Variants in TTN observed in about 807,000 individuals in gnomAD.
TTN encodes titin.
A neutral mutation model predicts 3,223.0 loss-of-function variants in TTN; 1,525 were observed. The ratio of observed to expected loss-of-function variants is 0.47; its 90% confidence interval spans 0.45 to 0.49. The LOEUF (loss-of-function observed/expected upper bound fraction) is 0.49, where lower values mean the gene tolerates loss of function less well. Among genes scored for constraint, TTN ranks in the 20% least tolerant of loss-of-function variants. The pLI, the probability that TTN is intolerant of heterozygous loss-of-function variation, is 0.00. For missense variants in TTN, 40,786 were observed against 43,424.0 expected (o/e 0.94, Z 5.40); for synonymous variants, 14,094 against 15,161.0 (o/e 0.93, Z 5.17).
Position 178,750,222 on chromosome 2 carries a change from C to T in TTN, c.11311+2902G>A, listed in dbSNP as rs770870896. 91 of 1,613,184 alleles carry T rather than the reference C, an allele frequency of 5.6e-5. No individual in the cohort carries two copies. The highest frequency in any genetic ancestry group is 1.7e-4 in the Middle Eastern group (1 of 6,052). ...CCTTTTGCTTGGTCAAACACCAATG[C>T]TAACTCTTCTTCCTCATCCAAGTAG... On this transcript the variant is annotated intron_variant, in intron 47 of 362. Transcript: ENST00000589042.
In TTN at chr2:178,552,243, G is replaced by A. The variant is rs1699731876; in HGVS notation, c.90657C>T (p.Val30219=). Reference sequence around the variant, plus strand: ...GCTTTGATGGTGGGCCAAGGGTGATGACTGTAATGGGGACTGCAATTCTAC... The same window carrying A: ...GCTTTGATGGTGGGCCAAGGGTGATAACTGTAATGGGGACTGCAATTCTAC... ...AVCRIAVPIT[V]ITLGPPSKPK... Residue 30219 remains valine (V), a synonymous_variant, in exon 335 of 363, where the codon GTC becomes GTT. Coordinates refer to ENST00000589042, the MANE Select transcript of TTN (RefSeq NM_001267550.2). The A allele has an allele frequency of 6.2e-7, 1 of 1,613,410 alleles. No individual in the cohort carries two copies. Among genetic ancestry groups the A allele is most frequent in the Non-Finnish European group, 8.5e-7 (1 of 1,179,606 alleles).
In TTN at chr2:178,704,961, A is replaced by T. The variant is rs1252065252; in HGVS notation, c.29610T>A (p.Ile9870=). The T allele has an allele frequency of 6.2e-7, 1 of 1,612,266 alleles. No homozygotes were observed. The highest frequency in any genetic ancestry group is 1.1e-5 in the South Asian group (1 of 90,886). The stretch of plus-strand genomic sequence containing the variant: ...CCCTCTCTGACCTCTCTATTTCCTC[A>T]ATTTCCTGAGAAGAACAAAAATGAT... ...SQEEETHRLE[I]EEIERSERDE... Residue 9870 remains isoleucine (I), a synonymous_variant, in exon 104 of 363, where the codon ATT becomes ATA. Transcript: ENST00000589042.
intron 256 of TTN, 44 bp downstream of exon 256, chr2:178,616,685 A>G: frequency 6.2e-7 from 1 of 1,611,808 alleles, no homozygotes; most frequent in South Asian, 1.1e-5. Flanking sequence ...AATATTTGTT[A>G]ATACTGCCAA....
chr2:178,688,668 AT>A lies in TTN; in HGVS notation c.32197+8del, dbSNP rs766171557. On this transcript the variant is annotated splice_region_variant and intron_variant, in intron 126 of 362. Coordinates refer to ENST00000589042, the MANE Select transcript of TTN (RefSeq NM_001267550.2). ...AAACTCATTTATCCCCTGACTTCCGATTATATACCTTCGTGCCGCGTGACTT... is the reference window on the plus strand; with the variant it reads ...AAACTCATTTATCCCCTGACTTCCGATATATACCTTCGTGCCGCGTGACTT... The A allele has an allele frequency of 6.3e-7, 1 of 1,599,900 alleles. No individual in the cohort carries two copies. The highest frequency in any genetic ancestry group is 1.1e-5 in the South Asian group (1 of 90,782).
intron 153 of TTN, 46 bp from the exon 154 acceptor site, chr2:178,672,527 T>G: frequency 4.4e-6 from 7 of 1,603,406 alleles, no homozygotes; most frequent in Non-Finnish European, 6.0e-6. Flanking sequence ...AGAGCAAGCT[T>G]TCATAGACAA....
At position 178,636,376 on chromosome 2, in the gene TTN, T is replaced by C. The variant is rs192413917; in HGVS notation, c.41329+22A>G. 118 of 1,574,466 alleles carry C rather than the reference T, an allele frequency of 7.5e-5. 1 individual carries two copies. The African/African-American group carries it at 1.0e-3, about 13-fold the overall frequency. Reference sequence around the variant, plus strand: ...TTACATTAAAGTTTAATATAGATTATGTTCAGAAGACTAGAAATTACCTTC... The same window carrying C: ...TTACATTAAAGTTTAATATAGATTACGTTCAGAAGACTAGAAATTACCTTC... On this transcript the variant is annotated intron_variant, in intron 225 of 362. Transcript: ENST00000589042. This position sits in a 1 kb window ranked among gnomAD's most constrained non-coding sequence, Gnocchi z 4.3.
chr2:178,527,481 C>A lies in TTN; in HGVS notation c.107645G>T (p.Ser35882Ile). ...TGCTTTAAGCATTTTACTAGTTGAGCTTTCCAGTTGTGTCATATTAGATAT... is the reference window on the plus strand; with the variant it reads ...TGCTTTAAGCATTTTACTAGTTGAGATTTCCAGTTGTGTCATATTAGATAT... ...MGISNMTQLE[S>I]STSKMLKAGI... is the part of the protein sequence containing the mutation. The change falls in exon 362 of 363, where the codon AGC (serine) becomes ATC (isoleucine). Residue 35882 changes from serine to isoleucine, a missense_variant. By Grantham distance (142) the Ser-to-Ile change is moderately radical. Transcript: ENST00000589042. 6.2e-7 allele frequency: 1 copy of A among 1,613,930 alleles called. No individual in the cohort carries two copies. Among genetic ancestry groups the A allele is most frequent in the African/African-American group, 1.3e-5 (1 of 75,062 alleles).
chr2:178,678,925 A>C lies in TTN; in HGVS notation c.33743-95T>G, dbSNP rs1012939892. The stretch of plus-strand genomic sequence containing the variant: ...TAAGGCCTTAACTGAAGCAGCATAG[A>C]TATTCTATCAATTTCACTTTAAGAC... On this transcript the variant is annotated intron_variant, in intron 142 of 362. Coordinates refer to ENST00000589042, the MANE Select transcript of TTN (RefSeq NM_001267550.2). 2.8e-5 allele frequency: 27 copies of C among 966,860 alleles called. No individual in the cohort carries two copies. The African/African-American group carries it at 3.8e-4, about 14-fold the overall frequency. The allele number at this position is 966,860 out of a possible 1,614,324, so 59.9% of individuals were successfully genotyped here.
In TTN at chr2:178,562,443, C is replaced by T; in HGVS notation, c.83689G>A (p.Gly27897Ser). ...TTAGTCTGCATTTCAACCACATAACCAGTAATTTTGCTGCCACCATCACTT... is the reference window on the plus strand; with the variant it reads ...TTAGTCTGCATTTCAACCACATAACTAGTAATTTTGCTGCCACCATCACTT... ...PESDGGSKIT[G>S]YVVEMQTKGS... Residue 27897 changes from glycine (G) to serine (S), a missense_variant, in exon 326 of 363, where the codon GGT (glycine) becomes AGT (serine). Gly to Ser is a moderately conservative substitution (Grantham distance 56, BLOSUM62 0). Transcript: ENST00000589042. 1 of 1,613,312 alleles carries T rather than the reference C, an allele frequency of 6.2e-7. No homozygotes were observed. Among genetic ancestry groups the T allele is most frequent in the Non-Finnish European group, 8.5e-7 (1 of 1,179,606 alleles).
At chr2:178,765,656 C>T (rs189946349) in intron 41 of TTN, among the ~76,000 whole-genome samples, 1 of 152,218 alleles carries the variant, frequency 6.6e-6, no homozygotes, top group African/African-American at 2.4e-5. Context: ...CTGCATCTGC[C>T]TCAGGGGTAT....
At chr2:178,682,563 T>G in intron 135 of TTN, 134 bp downstream of exon 135, 1 of 850,456 alleles carries the variant, frequency 1.2e-6, no homozygotes, top group Admixed American at 3.2e-5. Context: ...ATTCCGCATT[T>G]GCGAAATGAA....
rs727504977 is a variant in TTN at position 178,531,551 on chromosome 2, C to T, written c.105064G>A (p.Glu35022Lys). 5.6e-6 allele frequency: 9 copies of T among 1,613,838 alleles called. No individual in the cohort carries two copies. Among genetic ancestry groups the T allele is most frequent in the East Asian group, 2.2e-5 (1 of 44,894 alleles). ...TCCAACGTTGCATAGTCAGAAGCTT[C>T]GCCCTTGTAGTTGGTGCACACAGCA... ...YRAVCTNYKG[E>K]ASDYATLDVT... is the part of the protein sequence containing the mutation. Residue 35022 changes from glutamate to lysine, a missense_variant, in exon 358 of 363, where the codon GAA becomes AAA. Coordinates refer to ENST00000589042, the MANE Select transcript of TTN (RefSeq NM_001267550.2).
intron 71 of TTN, chr2:178,724,818 C>T: frequency 3.5e-6 from 1 of 283,622 alleles, no homozygotes; most frequent in Non-Finnish European, 6.5e-6. Flanking sequence ...TATGTTCGTG[C>T]ATGACTCAAC....
chr2:178,769,641 A>G, intron 37 of TTN, 38 bp downstream of exon 37: 2 of 1,299,092 alleles, frequency 1.5e-6, no homozygotes, highest in African/African-American at 3.0e-5. Context: ...GATATTTTAT[A>G]TATATGTGTA....
intron 265 of TTN, 65 bp from the exon 266 acceptor site, chr2:178,612,641 TGCAG>T: frequency 6.5e-7 from 1 of 1,550,140 alleles, no homozygotes; most frequent in Non-Finnish European, 8.7e-7. Flanking sequence ...AGTCTGAAAG[TGCAG>T]GCAGTCATTA....
chr2:178,652,804 T>C (rs1560114293), intron 200 of TTN, 44 bp downstream of exon 200: 6 of 1,606,516 alleles, frequency 3.7e-6, no homozygotes, highest in Non-Finnish European at 4.2e-6. Flanking sequence ...TTTTCAAGAA[T>C]AGAGGAGTTT....
rs143767300 is a variant in TTN, at chr2:178,769,877, C to G, written c.8704G>C (p.Glu2902Gln). 2 of 1,613,962 alleles carry G rather than the reference C, an allele frequency of 1.2e-6. No homozygotes were observed. Among genetic ancestry groups the G allele is most frequent in the African/African-American group, 2.7e-5 (2 of 74,898 alleles). Reference sequence around the variant, plus strand: ...ACATTGAAGTGGGACACCTCACACTCAAAAGAGGCAGTTTTGGTCTCAGGC... The same window carrying G: ...ACATTGAAGTGGGACACCTCACACTGAAAAGAGGCAGTTTTGGTCTCAGGC... ...EVPETKTASF[E>Q]CEVSHFNVPS... Residue 2902 changes from glutamate (E) to glutamine (Q), a missense_variant, in exon 37 of 363, where the codon GAG becomes CAG. Physicochemically the swap from Glu to Gln is conservative, Grantham distance 29. Transcript: ENST00000589042.
chr2:178,563,312 A>G lies in TTN; in HGVS notation c.82820T>C (p.Val27607Ala), dbSNP rs752494467. 1.9e-6 allele frequency: 3 copies of G among 1,613,634 alleles called. No homozygotes were observed. Among genetic ancestry groups the G allele is most frequent in the Non-Finnish European group, 2.5e-6 (3 of 1,179,710 alleles). The change falls in exon 326 of 363, where the codon GTA (valine) becomes GCA (alanine). Residue 27607 changes from valine to alanine, a missense_variant. Val to Ala is a moderately conservative substitution (Grantham distance 64). Coordinates refer to ENST00000589042, the MANE Select transcript of TTN (RefSeq NM_001267550.2). This position sits in a 1 kb window ranked among gnomAD's most constrained non-coding sequence, Gnocchi z 4.5. ...ATCCGCAGCAGCTTCTTTGACCTCT[A>G]CAACATAGCCTTTAACAGGTGCGCC... Reference protein sequence around the residue: ...DGGAPVKGYVVEVKEAAADEW... With the variant: ...DGGAPVKGYVAEVKEAAADEW...
Position 178,776,999 on chromosome 2 carries a change from C to T in TTN, c.4865G>A (p.Ser1622Asn). Reference sequence around the variant, plus strand: ...CGCAGTATACCAGGCAGAATCTTGGCTGACAGTGGAATCGATTTTAAGGGC... The same window carrying T: ...CGCAGTATACCAGGCAGAATCTTGGTTGACAGTGGAATCGATTTTAAGGGC... ...EAALKIDSTV[S>N]QDSAWYTATA... The change falls in exon 28 of 363, where the codon AGC (serine) becomes AAC (asparagine). Residue 1622 changes from serine (S) to asparagine (N), a missense_variant. Transcript: ENST00000589042. The T allele has an allele frequency of 6.2e-7, 1 of 1,614,030 alleles. No homozygotes were observed. Among genetic ancestry groups the T allele is most frequent in the South Asian group, 1.1e-5 (1 of 91,080 alleles).
Sources: allele counts gnomAD v4.1 joint callset (sites outside exome capture counted in the v4.1 genomes callset), GRCh38; gene constraint gnomAD v4.1.1; non-coding constraint Gnocchi (gnomAD v3.1); transcripts MANE v1.5; gene names NCBI Gene and HGNC (gene_info 2026-07-23, HGNC 2026-07-21).